Variants in RGL1 observed in about 807,000 individuals in gnomAD.
The protein encoded by RGL1 is ral guanine nucleotide dissociation stimulator-like 1.
Under a neutral mutation model 95.2 loss-of-function variants are expected in RGL1, and 24 were observed. The observed-to-expected ratio is 0.25, with a 90% CI of 0.18 to 0.35. RGL1 has a LOEUF of 0.35. RGL1 is among the 10% of genes least tolerant of loss of function. RGL1 has a pLI of 1.00. For missense variants in RGL1, 715 were observed against 936.3 expected (o/e 0.76, Z 3.08); for synonymous variants, 329 against 344.9 (o/e 0.95, Z 0.51).
At chr1:183,648,845 G>A in intron 1 of RGL1, 1 of 1,359,646 alleles carries the variant, frequency 7.4e-7, no homozygotes, top group Non-Finnish European at 1.0e-6. Context: ...TATAAAACCA[G>A]CGCAGGAAAA....
chr1:183,833,934 A>G (rs1663443712), intron 2 of RGL1, among the ~76,000 whole-genome samples: 2 of 148,686 alleles, frequency 1.3e-5, no homozygotes, highest in Non-Finnish European at 3.0e-5. Context: ...CAGTATGCAT[A>G]TGATGATGAA....
intron 1 of RGL1, among the ~76,000 whole-genome samples, chr1:183,670,040 A>G (rs569338109): frequency 2.0e-5 from 3 of 152,236 alleles, no homozygotes; most frequent in African/African-American, 4.8e-5. Context: ...CAGCCAAACC[A>G]TATCAGGGAG....
At chr1:183,816,925 T>C (rs558916409) in intron 2 of RGL1, among the ~76,000 whole-genome samples, 11 of 152,218 alleles carry the variant, frequency 7.2e-5, no homozygotes, top group African/African-American at 2.6e-4. Context: ...CAGCAAGGCT[T>C]CTGTTTGTAG....
chr1:183,728,434 CTCCAAAGGGG>C, intron 1 of RGL1, among the ~76,000 whole-genome samples: 1 of 152,232 alleles, frequency 6.6e-6, no homozygotes, highest in East Asian at 1.9e-4. Context: ...ACCCTGACCA[CTCCAAAGGGG>C]TTAAATTAAA....
intron 7 of RGL1, 76 bp from the exon 8 acceptor site, chr1:183,888,398 C>T (rs963837135): frequency 1.1e-6 from 1 of 894,322 alleles, no homozygotes; most frequent in Non-Finnish European, 1.9e-6. Flanking sequence ...TGTGATACCT[C>T]TAAAACAGGA....
intron 3 of RGL1, among the ~76,000 whole-genome samples, chr1:183,854,470 T>A (rs1484749118): frequency 6.6e-6 from 1 of 152,220 alleles, no homozygotes; most frequent in East Asian, 1.9e-4. Flanking sequence ...ATGCAAAACC[T>A]GACATACCAA....
intron 2 of RGL1, among the ~76,000 whole-genome samples, chr1:183,837,901 G>A (rs1418072442): frequency 6.6e-6 from 1 of 152,146 alleles, no homozygotes; most frequent in Non-Finnish European, 1.5e-5. Context: ...TAGGCTTGGC[G>A]CTCCTATGAG....
intron 8 of RGL1, 46 bp from the exon 9 acceptor site, chr1:183,892,031 A>G (rs748539631): frequency 1.4e-6 from 2 of 1,481,430 alleles, no homozygotes; most frequent in Non-Finnish European, 1.9e-6. Flanking sequence ...GTGTCGGGTT[A>G]TTCCTAACTC....
intron 6 of RGL1, 42 bp downstream of exon 6, chr1:183,883,952 CA>C: frequency 6.2e-7 from 1 of 1,605,412 alleles, no homozygotes; most frequent in Admixed American, 1.7e-5. Flanking sequence ...TCACTTAAAA[CA>C]TAGGGGAGTG....
intron 14 of RGL1, among the ~76,000 whole-genome samples, chr1:183,908,631 C>G (rs572968928): frequency 1.3e-5 from 2 of 152,250 alleles, no homozygotes; most frequent in South Asian, 4.2e-4. Flanking sequence ...CTGACCAAGC[C>G]TTGTCAGCTG....
chr1:183,775,268 C>G (rs1047615194), intron 2 of RGL1, among the ~76,000 whole-genome samples: 1 of 152,152 alleles, frequency 6.6e-6, no homozygotes, highest in Admixed American at 6.5e-5. Context: ...TTCTATATGC[C>G]TTAATGGTTA....
At chr1:183,756,456 C>T (rs745871926) in intron 2 of RGL1, among the ~76,000 whole-genome samples, 3 of 152,178 alleles carry the variant, frequency 2.0e-5, no homozygotes, top group African/African-American at 2.4e-5. Context: ...AAAGTCTTCA[C>T]GTCTCTTACT....
At chr1:183,876,596 T>G (rs953900119) in intron 4 of RGL1, among the ~76,000 whole-genome samples, 1 of 152,280 alleles carries the variant, frequency 6.6e-6, no homozygotes, top group African/African-American at 2.4e-5. Context: ...CCAGTTTGGC[T>G]TCAGGAATTA....
At chr1:183,857,843 A>G (rs2102568664) in intron 3 of RGL1, among the ~76,000 whole-genome samples, 1 of 152,316 alleles carries the variant, frequency 6.6e-6, no homozygotes, top group South Asian at 2.1e-4. Context: ...TCTGGATAGG[A>G]ACATGTGGCG....
At chr1:183,753,021 G>C (rs1477910455) in intron 2 of RGL1, among the ~76,000 whole-genome samples, 1 of 151,988 alleles carries the variant, frequency 6.6e-6, no homozygotes, top group Non-Finnish European at 1.5e-5. Flanking sequence ...TAGATGAATT[G>C]ATGTCTTTCA....
At chr1:183,663,493 C>A (rs1651797851) in intron 1 of RGL1, among the ~76,000 whole-genome samples, 2 of 151,962 alleles carry the variant, frequency 1.3e-5, no homozygotes, top group Non-Finnish European at 2.9e-5. Context: ...CAGAGAAATG[C>A]AAATCAAAAT....
intron 1 of RGL1, among the ~76,000 whole-genome samples, chr1:183,656,518 T>C (rs1046243600): frequency 2.0e-5 from 3 of 152,238 alleles, no homozygotes; most frequent in African/African-American, 7.2e-5. Flanking sequence ...TCAAACTGTG[T>C]TCAAATCAGG....
At chr1:183,773,270 C>T (rs185825985) in intron 2 of RGL1, among the ~76,000 whole-genome samples, 1 of 152,048 alleles carries the variant, frequency 6.6e-6, no homozygotes, top group East Asian at 1.9e-4. Context: ...GTACACTTAT[C>T]ACATTATATG....
chr1:183,715,691 C>T (rs1331577953), intron 1 of RGL1, among the ~76,000 whole-genome samples: 1 of 146,952 alleles, frequency 6.8e-6, no homozygotes, highest in Non-Finnish European at 1.5e-5. Flanking sequence ...CTCGATTACC[C>T]AGAGAAACAG....
Sources: gnomAD v4.1 joint callset for allele counts (sites outside exome capture counted in the v4.1 genomes callset) on GRCh38, gnomAD v4.1.1 for gene constraint, MANE v1.5 for transcripts, NCBI Gene and HGNC (gene_info 2026-07-23, HGNC 2026-07-21) for gene names.